The following LHFPL6 variants were observed in gnomAD, a reference collection of about 807,000 sequenced individuals.
LHFPL6 encodes LHFPL tetraspan subfamily member 6 protein.
In LHFPL6, 9 loss-of-function variants were observed where a neutral mutation model predicts 20.6. The observed-to-expected ratio is 0.44, with a 90% CI of 0.26 to 0.76. The LOEUF (loss-of-function observed/expected upper bound fraction) is 0.76. Ranked by LOEUF, LHFPL6 falls within the 30% of genes least tolerant of loss-of-function variation. The pLI is 0.20. For synonymous variants in LHFPL6, 105 were observed against 98.7 expected (o/e 1.06, Z -0.38); for missense variants, 218 against 253.5 (o/e 0.86, Z 0.95).
intron 2 of LHFPL6, among the ~76,000 whole-genome samples, chr13:39,480,030 C>T (rs539453669): frequency 6.6e-6 from 1 of 152,150 alleles, no homozygotes; most frequent in Non-Finnish European, 1.5e-5. Context: ...GGAAACTCTG[C>T]AAACAATTCA....
At chr13:39,380,914 G>C (rs932661059) in intron 2 of LHFPL6, among the ~76,000 whole-genome samples, 2 of 152,130 alleles carry the variant, frequency 1.3e-5, no homozygotes, top group African/African-American at 4.8e-5. Context: ...CCATCACCCT[G>C]AGATGGGACT....
chr13:39,504,669 T>TTA (rs1869411108), intron 2 of LHFPL6, among the ~76,000 whole-genome samples: 1 of 152,218 alleles, frequency 6.6e-6, no homozygotes, highest in Non-Finnish European at 1.5e-5. Context: ...ATTAAGGCCC[T>TTA]CTCTAATGAC....
intron 3 of LHFPL6, among the ~76,000 whole-genome samples, chr13:39,359,183 T>C (rs76190049): frequency 0.037 from 5,581 of 151,898 alleles, 159 homozygotes; most frequent in Non-Finnish European, 0.06. Context: ...CCTAAAAACA[T>C]AGGTGTTGGC....
intron 2 of LHFPL6, among the ~76,000 whole-genome samples, chr13:39,447,309 A>T (rs1428482272): frequency 3.3e-5 from 5 of 152,312 alleles, no homozygotes; most frequent in Admixed American, 6.5e-5. Context: ...AAATTTTCAT[A>T]ATCTTTTTTT....
intron 2 of LHFPL6, among the ~76,000 whole-genome samples, chr13:39,439,403 G>A (rs1455333380): frequency 2.6e-5 from 4 of 152,114 alleles, no homozygotes; most frequent in Admixed American, 6.5e-5. Flanking sequence ...TAGTTGGAAC[G>A]GACTAGCCTT....
intron 2 of LHFPL6, among the ~76,000 whole-genome samples, chr13:39,475,218 C>A (rs1390895895): frequency 6.6e-6 from 1 of 152,062 alleles, no homozygotes; most frequent in Admixed American, 6.5e-5. Context: ...ACAGAAGGAT[C>A]GAGAAACTGG....
At chr13:39,483,846 A>G (rs1868623382) in intron 2 of LHFPL6, among the ~76,000 whole-genome samples, 1 of 152,192 alleles carries the variant, frequency 6.6e-6, no homozygotes, top group Non-Finnish European at 1.5e-5. Flanking sequence ...AGTCTCACTG[A>G]GCTCATATTG....
At chr13:39,573,157 G>A (rs565636599) in intron 2 of LHFPL6, among the ~76,000 whole-genome samples, 1 of 152,138 alleles carries the variant, frequency 6.6e-6, no homozygotes, top group South Asian at 2.1e-4. Context: ...AGTATTTTAG[G>A]TACAAAACAC....
intron 2 of LHFPL6, among the ~76,000 whole-genome samples, chr13:39,530,588 C>T (rs191642229): frequency 2.0e-5 from 3 of 152,226 alleles, no homozygotes; most frequent in Admixed American, 6.5e-5. Flanking sequence ...CTGCACAACT[C>T]GTAAGTCCTA....
At chr13:39,462,696 C>T (rs1304477817) in intron 2 of LHFPL6, among the ~76,000 whole-genome samples, 2 of 152,136 alleles carry the variant, frequency 1.3e-5, no homozygotes, top group African/African-American at 4.8e-5. Flanking sequence ...AAAACAAAGC[C>T]AGGCAAGTCC....
At chr13:39,536,848 T>C (rs1036111225) in intron 2 of LHFPL6, among the ~76,000 whole-genome samples, 2 of 152,216 alleles carry the variant, frequency 1.3e-5, no homozygotes, top group Admixed American at 6.5e-5. Flanking sequence ...AAATAATAGG[T>C]AGTTTCCTTT....
At chr13:39,529,063 C>T (rs1312007832) in intron 2 of LHFPL6, among the ~76,000 whole-genome samples, 2 of 152,022 alleles carry the variant, frequency 1.3e-5, no homozygotes, top group Non-Finnish European at 2.9e-5. Flanking sequence ...AAATAATGTA[C>T]AAAATTCATG....
intron 3 of LHFPL6, among the ~76,000 whole-genome samples, chr13:39,365,524 G>A (rs1869988925): frequency 6.6e-6 from 1 of 152,124 alleles, no homozygotes; most frequent in African/African-American, 2.4e-5. Flanking sequence ...ACTCTTTTTG[G>A]TAAATTACAA....
intron 3 of LHFPL6, among the ~76,000 whole-genome samples, chr13:39,368,156 C>G (rs1055432603): frequency 4.6e-4 from 70 of 152,066 alleles, no homozygotes; most frequent in African/African-American, 1.7e-3. Flanking sequence ...ATGGTGAAAC[C>G]CTGTCTCTAC....
At chr13:39,574,318 T>TA (rs1424034155) in intron 2 of LHFPL6, among the ~76,000 whole-genome samples, 3 of 152,070 alleles carry the variant, frequency 2.0e-5, no homozygotes, top group Admixed American at 6.5e-5. Flanking sequence ...CCGTCTCTAC[T>TA]AAAAATACAA....
At chr13:39,582,496 T>C (rs1872319504) in intron 2 of LHFPL6, among the ~76,000 whole-genome samples, 1 of 152,192 alleles carries the variant, frequency 6.6e-6, no homozygotes, top group African/African-American at 2.4e-5. Context: ...ATCATGTGGC[T>C]ACCACAGCTA....
At chr13:39,356,186 T>TA (rs148842167) in intron 3 of LHFPL6, among the ~76,000 whole-genome samples, 6,225 of 152,256 alleles carry the variant, frequency 0.041, 291 homozygotes, top group African/African-American at 0.11. Context: ...TCTCTGACCA[T>TA]ACTGAAATAA....
intron 2 of LHFPL6, among the ~76,000 whole-genome samples, chr13:39,550,693 G>C (rs969265750): frequency 6.6e-6 from 1 of 152,034 alleles, no homozygotes; most frequent in African/African-American, 2.4e-5. Context: ...CTATTAACTA[G>C]ACCTGAATCC....
rs559574574 is a variant in LHFPL6, at chr13:39,343,390, C to T, written c.*546G>A. ...GCACCACTAAACCTCCCAGTCTGTG[C>T]GATAATCCACGTTTGTGCATAGGCG... is the stretch of plus-strand genomic sequence containing the variant. On this transcript the variant is annotated 3_prime_UTR_variant, in exon 4 of 4. Transcript: ENST00000379589. 16 of 230,754 alleles carry T rather than the reference C, an allele frequency of 6.9e-5. No individual in the cohort carries two copies. Among genetic ancestry groups the T allele is most frequent in the Non-Finnish European group, 8.6e-5 (10 of 116,330 alleles). The allele number at this position is 230,754 out of a possible 1,614,324, so 14.3% of individuals were successfully genotyped here.
Sources: allele counts gnomAD v4.1 joint callset (sites outside exome capture counted in the v4.1 genomes callset), GRCh38; gene constraint gnomAD v4.1.1; transcripts MANE v1.5; gene names NCBI Gene and HGNC (gene_info 2026-07-23, HGNC 2026-07-21).